The following ABCB9 variants were observed in gnomAD, a reference collection of about 807,000 sequenced individuals.
ABCB9 encodes the protein ATP binding cassette subfamily B member 9.
ABCB9 carries 36 observed loss-of-function variants against 62.0 expected under a neutral mutation model. The ratio of observed to expected loss-of-function variants is 0.58; its 90% CI spans 0.45 to 0.77. The LOEUF is 0.77. Ranked by LOEUF, ABCB9 falls within the 30% of genes least tolerant of loss-of-function variation. ABCB9 has a pLI of 0.00. For synonymous variants in ABCB9, 435 were observed against 461.4 expected (o/e 0.94, Z 0.73); for missense variants, 943 against 1,054.7 (o/e 0.89, Z 1.47).
At chr12:122,952,554 C>T (rs1323395481) in intron 2 of ABCB9, 1 of 152,196 alleles carries the variant, frequency 6.6e-6, no homozygotes, top group African/African-American at 2.4e-5. Context: ...CTTGGCCAGA[C>T]GAGGTCTCCA....
chr12:122,973,688 C>T (rs2037324486), intron 1 of ABCB9, among the ~76,000 whole-genome samples: 1 of 150,276 alleles, frequency 6.7e-6, no homozygotes, highest in African/African-American at 2.5e-5. Flanking sequence ...GGTGAAACCC[C>T]GTCTCTACTA....
chr12:122,946,237 G>T lies in ABCB9; in HGVS notation c.1054-15C>A. On this transcript the variant is annotated splice_polypyrimidine_tract_variant and intron_variant, in intron 5 of 11. Coordinates refer to ENST00000280560, the MANE Select transcript of ABCB9 (RefSeq NM_019625.4). ...TTGGAGAGCCTCTATGGACAGGAGG[G>T]GGACAAGAAGGAGAAGACCCCAAAA... 6.2e-7 allele frequency: 1 copy of T among 1,613,920 alleles called. No individual in the cohort carries two copies. Among genetic ancestry groups the T allele is most frequent in the Non-Finnish European group, 8.5e-7 (1 of 1,179,976 alleles).
At chr12:122,961,718 G>C (rs916870291) in intron 1 of ABCB9, among the ~76,000 whole-genome samples, 2 of 152,210 alleles carry the variant, frequency 1.3e-5, no homozygotes, top group Non-Finnish European at 2.9e-5. Context: ...TGCATCCATA[G>C]TGAGGACGAA....
Position 122,948,702 on chromosome 12 carries a change from T to A in ABCB9, c.975A>T (p.Ser325=), listed in dbSNP as rs1357303871. 6.2e-7 allele frequency: 1 copy of A among 1,614,026 alleles called. No homozygotes were observed. Among genetic ancestry groups the A allele is most frequent in the Admixed American group, 1.7e-5 (1 of 60,010 alleles). The change falls in exon 5 of 12, where the codon TCA becomes TCT. Residue 325 remains serine, a synonymous_variant. Transcript: ENST00000280560. ...TGAAGGTGACCAAGGAGAGCTGCCA[T>A]GAGAGGCTGAACATGAAGACCACCA... The part of the protein sequence containing the change: ...TGVVVFMFSL[S]WQLSLVTFMG...
rs374635805 is a variant in ABCB9, at chr12:122,973,861, AAAAC to A, written c.-88+850_-88+853del. Among the ~76,000 whole-genome samples, 739 of 152,064 alleles carry A rather than the reference AAAAC, an allele frequency of 4.9e-3. 4 individuals carry two copies. The highest frequency in any genetic ancestry group is 0.017 in the African/African-American group (691 of 41,494). Reference sequence around the variant, plus strand: ...GGGCGACAGAGCAAGACTCCGTCTCAAAACAAACAAACAAACAAACAAAAAACAA... The same window carrying A: ...GGGCGACAGAGCAAGACTCCGTCTCAAAACAAACAAACAAACAAAAAACAA... On this transcript the variant is annotated intron_variant, in intron 1 of 11. Transcript: ENST00000392439.
At chr12:122,945,892 A>G in intron 6 of ABCB9, 133 bp downstream of exon 6, 4 of 938,714 alleles carry the variant, frequency 4.3e-6, no homozygotes, top group Non-Finnish European at 3.1e-6. Flanking sequence ...AAAAAAAAAA[A>G]AAAAAAGAAA....
intron 1 of ABCB9, among the ~76,000 whole-genome samples, chr12:122,972,434 C>T (rs1310292845): frequency 1.3e-5 from 2 of 152,172 alleles, no homozygotes; most frequent in African/African-American, 4.8e-5. Context: ...AACAGGGGCG[C>T]TTCTACGGGG....
Position 122,932,036 on chromosome 12 carries a change from C to A in ABCB9, c.2040+156G>T. 7.4e-7 allele frequency: 1 copy of A among 1,351,626 alleles called. No homozygotes were observed. The highest frequency in any genetic ancestry group is 1.3e-5 in the South Asian group (1 of 75,930). 83.7% of individuals were successfully genotyped at this position (1,351,626 alleles called of 1,614,324 possible). On this transcript the variant is annotated intron_variant, in intron 11 of 11. Transcript: ENST00000280560. This position sits in a 1 kb window ranked among gnomAD's most constrained non-coding sequence, Gnocchi z 4.7. Reference sequence around the variant, plus strand: ...GGGTCCAGAGTGGCTCCTGGCTCCCCACTCTCAACACCAGGAATTCACCAG... The same window carrying A: ...GGGTCCAGAGTGGCTCCTGGCTCCCAACTCTCAACACCAGGAATTCACCAG...
At chr12:122,975,092 A>T (rs775309616) in exon 1 of ABCB9, 59 of 494,826 alleles carry the variant, frequency 1.2e-4, no homozygotes, top group Non-Finnish European at 2.1e-4. Context: ...GCCCAGGAGC[A>T]TCTTTCTCCG....
downstream of ABCB9, among the ~76,000 whole-genome samples, chr12:122,924,972 A>C (rs1489955270): frequency 6.6e-6 from 1 of 152,178 alleles, no homozygotes; most frequent in Non-Finnish European, 1.5e-5. Flanking sequence ...GCTGGAGTGC[A>C]GTGGCATGAT....
At chr12:122,953,493 T>C (rs1452568307) in intron 2 of ABCB9, among the ~76,000 whole-genome samples, 1 of 152,168 alleles carries the variant, frequency 6.6e-6, no homozygotes, top group Non-Finnish European at 1.5e-5. Flanking sequence ...GTTCAAGTGA[T>C]TGTCCTGCCT....
rs373289715 is a variant in ABCB9 at position 122,946,020 on chromosome 12, C to T, written c.1251+5G>A. The T allele has an allele frequency of 2.5e-6, 4 of 1,612,962 alleles. No individual in the cohort carries two copies. Among genetic ancestry groups the T allele is most frequent in the African/African-American group, 1.3e-5 (1 of 74,894 alleles). On this transcript the variant is annotated splice_donor_5th_base_variant and intron_variant, in intron 6 of 11. Coordinates refer to ENST00000280560, the MANE Select transcript of ABCB9 (RefSeq NM_019625.4). ...AGCCAGAGCTGCCTGGCCAGGGGCA[C>T]GTACCCCGCTGCCCCAGACGTAGTA...
chr12:122,925,760 C>T (rs1303545613), downstream of ABCB9, among the ~76,000 whole-genome samples: 2 of 152,106 alleles, frequency 1.3e-5, no homozygotes, highest in East Asian at 3.9e-4. Context: ...ACAACAACAA[C>T]AACAACAAAA....
chr12:122,946,993 A>G (rs948498703), intron 5 of ABCB9, among the ~76,000 whole-genome samples: 9 of 152,318 alleles, frequency 5.9e-5, no homozygotes, highest in Admixed American at 5.2e-4. Context: ...AGCCGCAGGA[A>G]GCATGCAGGG....
At chr12:122,950,053 C>T in intron 3 of ABCB9, 135 bp from the exon 4 acceptor site, 1 of 1,207,278 alleles carries the variant, frequency 8.3e-7, no homozygotes, top group East Asian at 2.4e-5. Context: ...CCTGCGGGGT[C>T]CCCCTCATTC....
upstream of ABCB9, among the ~76,000 whole-genome samples, chr12:122,970,175 G>T (rs1158314154): frequency 6.6e-6 from 1 of 152,146 alleles, no homozygotes; most frequent in Non-Finnish European, 1.5e-5. Context: ...CGCCTCCCGG[G>T]GTCAAGTGAT....
intron 9 of ABCB9, 148 bp downstream of exon 9, chr12:122,939,963 G>A: frequency 9.0e-7 from 1 of 1,113,532 alleles, no homozygotes. Context: ...AGAATGTTCT[G>A]TTTCTCTAGG....
chr12:122,959,027 G>A lies in ABCB9; in HGVS notation c.601+608C>T, dbSNP rs965872463. On this transcript the variant is annotated intron_variant, in intron 2 of 11. Coordinates refer to ENST00000280560, the MANE Select transcript of ABCB9 (RefSeq NM_019625.4). This position sits in a 1 kb window ranked among gnomAD's most constrained non-coding sequence, Gnocchi z 5.4. The stretch of plus-strand genomic sequence containing the variant: ...TGGGATTACAGGCGTGAGCCACCGC[G>A]CCTGGCCTATTTTTTCGTTTTAAAT... Among the ~76,000 whole-genome samples, 5 of 147,742 alleles carry A rather than the reference G, an allele frequency of 3.4e-5. No homozygotes were observed. The highest frequency in any genetic ancestry group is 2.3e-4 in the South Asian group (1 of 4,372).
intron 2 of ABCB9, among the ~76,000 whole-genome samples, chr12:122,955,808 T>C (rs1007040449): frequency 1.3e-5 from 2 of 150,948 alleles, no homozygotes; most frequent in African/African-American, 4.9e-5. Flanking sequence ...ACCTCCTGGG[T>C]TCAAGATATC....
Sources: gnomAD v4.1 joint callset for allele counts (sites outside exome capture counted in the v4.1 genomes callset) on GRCh38, gnomAD v4.1.1 for gene constraint, Gnocchi (gnomAD v3.1) non-coding constraint, MANE v1.5 for transcripts, NCBI Gene and HGNC (gene_info 2026-07-23, HGNC 2026-07-21) for gene names.